The following CREB3L2 variants were observed in gnomAD, a reference collection of about 807,000 sequenced individuals.
CREB3L2 encodes cAMP responsive element binding protein 3 like 2, also known as cyclic AMP-responsive element-binding protein 3-like protein 2.
A neutral mutation model predicts 57.2 loss-of-function variants in CREB3L2; 23 were observed. That is an observed-to-expected ratio of 0.40 (90% CI 0.29 to 0.57). CREB3L2 has a LOEUF of 0.57. Among genes scored for constraint, CREB3L2 ranks in the 20% least tolerant of loss-of-function variants. The pLI is 0.42. For missense variants in CREB3L2, 628 were observed against 634.7 expected (o/e 0.99, Z 0.11); for synonymous variants, 268 against 265.1 (o/e 1.01, Z -0.11).
chr7:137,885,222 GCCAGTGGAC>G, intron 9 of CREB3L2, 101 bp from the exon 10 acceptor site: 1 of 1,383,796 alleles, frequency 7.2e-7, no homozygotes, highest in South Asian at 1.3e-5. Context: ...TCCTCTTCAG[GCCAGTGGAC>G]TGCACCCACC....
intron 4 of CREB3L2, among the ~76,000 whole-genome samples, chr7:137,912,155 T>C (rs775067663): frequency 1.3e-5 from 2 of 152,154 alleles, no homozygotes; most frequent in Non-Finnish European, 2.9e-5. Context: ...AGCAGGCGGA[T>C]TGCCTAAGGC....
In CREB3L2 at chr7:137,879,456, C is replaced by G; in HGVS notation, c.*1020G>C. On this transcript the variant is annotated 3_prime_UTR_variant, in exon 12 of 12. Coordinates refer to ENST00000330387, the MANE Select transcript of CREB3L2 (RefSeq NM_194071.4). ...AAAACAGGATAGAAAAAGCTTGTGG[C>G]CAGGGAGCCCGGGGCCTGAGTGAGG... The G allele has an allele frequency of 7.9e-6, 3 of 379,260 alleles. No individual in the cohort carries two copies. The South Asian group carries it at 8.2e-5, about 10-fold the overall frequency. 23.5% of individuals were successfully genotyped at this position (379,260 alleles called of 1,614,324 possible).
chr7:137,912,279 A>G (rs1800025759), intron 4 of CREB3L2, among the ~76,000 whole-genome samples: 1 of 151,474 alleles, frequency 6.6e-6, no homozygotes, highest in South Asian at 2.1e-4. Flanking sequence ...CAGGAGGCTG[A>G]GGCACAAGAA....
chr7:137,880,319 T>C lies in CREB3L2; in HGVS notation c.*157A>G. 1 of 653,706 alleles carries C rather than the reference T, an allele frequency of 1.5e-6. No homozygotes were observed. The highest frequency in any genetic ancestry group is 2.7e-5 in the East Asian group (1 of 36,484). The allele number at this position is 653,706 out of a possible 1,614,324, so 40.5% of individuals were successfully genotyped here. A position where few individuals can be genotyped will look rare whatever the true frequency, so the allele number is the denominator to read the frequency against. On this transcript the variant is annotated 3_prime_UTR_variant, in exon 12 of 12. Transcript: ENST00000330387. The surrounding 1 kb of genome is among the most constrained non-coding windows in gnomAD (Gnocchi z 4.0). ...GGACCAGGGGGAGATGCTCTCTCAC[T>C]GCAGGGAAGTCCCAGGCTGGTCTCC...
intron 4 of CREB3L2, 147 bp from the exon 5 acceptor site, chr7:137,908,583 T>A (rs775147707): frequency 8.7e-6 from 4 of 461,394 alleles, no homozygotes; most frequent in Non-Finnish European, 1.4e-5. Flanking sequence ...ATGGGAGTCC[T>A]CCTTTTGTAT....
At chr7:137,929,026 GTT>G (rs1205482193) in intron 1 of CREB3L2, among the ~76,000 whole-genome samples, 1 of 152,188 alleles carries the variant, frequency 6.6e-6, no homozygotes, top group African/African-American at 2.4e-5. Context: ...CAAAGGTGCA[GTT>G]TACACTAAGG....
At position 137,879,060 on chromosome 7, in the gene CREB3L2, A is replaced by C. The variant is rs1799222993; in HGVS notation, c.*1416T>G. 4 of 433,854 alleles carry C rather than the reference A, an allele frequency of 9.2e-6. No individual in the cohort carries two copies. Among genetic ancestry groups the C allele is most frequent in the African/African-American group, 2.0e-5 (1 of 49,992 alleles). The allele number at this position is 433,854 out of a possible 1,614,324, so 26.9% of individuals were successfully genotyped here. ...ACACAAAATCTTTCCCAAGCTCGGA[A>C]AAAACACTTGAGGGTTTTCTACATT... On this transcript the variant is annotated 3_prime_UTR_variant, in exon 12 of 12. Transcript: ENST00000330387.
At chr7:137,926,494 C>G (rs773654263) in intron 2 of CREB3L2, among the ~76,000 whole-genome samples, 2 of 152,098 alleles carry the variant, frequency 1.3e-5, no homozygotes, top group Non-Finnish European at 2.9e-5. Flanking sequence ...GAACAGGACC[C>G]GCATGTTCTC....
intron 1 of CREB3L2, among the ~76,000 whole-genome samples, chr7:137,974,404 A>C (rs1724631186): frequency 6.6e-6 from 1 of 152,244 alleles, no homozygotes; most frequent in African/African-American, 2.4e-5. Flanking sequence ...AACCAGGACC[A>C]ACCGGCATGT....
rs145339071 is a variant in CREB3L2 at position 137,898,960 on chromosome 7, A to AAAGGAAGGAAGGAAGG, written c.1043+2378_1043+2393dup. ...GGAGGGAGGAACAAAGGAAAGAAGG[A>AAAGGAAGGAAGGAAGG]AAGGAAGGAAGGAAGGAAGGAAGGA... is the stretch of plus-strand genomic sequence containing the variant. On this transcript the variant is annotated intron_variant, in intron 8 of 11. Transcript: ENST00000330387. Among the ~76,000 whole-genome samples the AAAGGAAGGAAGGAAGG allele has an allele frequency of 1.2e-3, 155 of 132,800 alleles. 2 individuals are homozygous for AAAGGAAGGAAGGAAGG. Among genetic ancestry groups the AAAGGAAGGAAGGAAGG allele is most frequent in the African/African-American group, 5.7e-3 (149 of 26,214 alleles). The allele number at this position is 132,800 out of a possible 152,430, so 87.1% of individuals were successfully genotyped here. A position where few individuals can be genotyped will look rare whatever the true frequency, so the allele number is the denominator to read the frequency against.
In CREB3L2 at chr7:137,928,280, T is replaced by A; in HGVS notation, c.189A>T (p.Ser63=). The change falls in exon 2 of 12, where the codon TCA becomes TCT. Residue 63 remains serine, a synonymous_variant. Transcript: ENST00000330387. ...ACGTCGGGGAAGGTTCCACCTCCAT[T>A]GACACACTCTTCTCTGAGAGGAAAG... ...NDPFLSEKSV[S]MEVEPSPTSP... 6.2e-7 allele frequency: 1 copy of A among 1,614,114 alleles called. No individual in the cohort carries two copies. Among genetic ancestry groups the A allele is most frequent in the Non-Finnish European group, 8.5e-7 (1 of 1,180,004 alleles).
chr7:137,933,961 A>G (rs1460189432), intron 1 of CREB3L2: 1 of 152,256 alleles, frequency 6.6e-6, no homozygotes, highest in Non-Finnish European at 1.5e-5. Context: ...GAGCAAAGTG[A>G]GCCTCGAGGA....
chr7:137,905,926 T>C, intron 5 of CREB3L2, 78 bp from the exon 6 acceptor site: 3 of 1,361,658 alleles, frequency 2.2e-6, no homozygotes, highest in Admixed American at 2.2e-5. Flanking sequence ...AATGGGATGA[T>C]GAGAATCTGT....
At chr7:137,988,649 T>G (rs972132830) in intron 1 of CREB3L2, among the ~76,000 whole-genome samples, 5 of 152,182 alleles carry the variant, frequency 3.3e-5, no homozygotes, top group African/African-American at 1.2e-4. Context: ...TTGAACAGGT[T>G]AATGAGTACA....
chr7:137,918,567 G>A (rs1563251874), intron 2 of CREB3L2, among the ~76,000 whole-genome samples: 1 of 152,118 alleles, frequency 6.6e-6, no homozygotes, highest in Non-Finnish European at 1.5e-5. Flanking sequence ...AAAGACGGTA[G>A]GATGAAATAT....
At position 137,905,761 on chromosome 7, in the gene CREB3L2, G is replaced by T. The variant is rs1305004616; in HGVS notation, c.856C>A (p.Pro286Thr). The change falls in exon 6 of 12, where the codon CCC becomes ACC. Residue 286 changes from proline (P) to threonine (T), a missense_variant. Physicochemically the swap from Pro to Thr is conservative, Grantham distance 38 (BLOSUM62 -1). Around this residue, in one of 3 missense-constraint regions of CREB3L2, gnomAD observed 17 missense variants for 36.6 expected, o/e 0.46. Transcript: ENST00000330387. ...GCCTTCTCCTCTGATTTTGACAGGGGCAATTTGGTGGGGATGGGATAGCCC... is the reference window on the plus strand; with the variant it reads ...GCCTTCTCCTCTGATTTTGACAGGGTCAATTTGGTGGGGATGGGATAGCCC... ...AEGYPIPTKLPLSKSEEKALK... is the reference protein window; with the variant it reads ...AEGYPIPTKLTLSKSEEKALK... The T allele has an allele frequency of 6.2e-7, 1 of 1,614,076 alleles. No homozygotes were observed. Among genetic ancestry groups the T allele is most frequent in the Non-Finnish European group, 8.5e-7 (1 of 1,179,938 alleles).
At chr7:137,965,340 C>T (rs190001445) in intron 1 of CREB3L2, among the ~76,000 whole-genome samples, 1 of 152,162 alleles carries the variant, frequency 6.6e-6, no homozygotes, top group East Asian at 1.9e-4. Flanking sequence ...TATATTTACA[C>T]TCGTTGAGGA....
At chr7:137,896,545 C>A (rs1389563815) in intron 8 of CREB3L2, among the ~76,000 whole-genome samples, 1 of 152,198 alleles carries the variant, frequency 6.6e-6, no homozygotes, top group African/African-American at 2.4e-5. Flanking sequence ...AGGTGATTCA[C>A]CAGCCACGGC....
At chr7:137,914,204 ATGT>A (rs1800077078) in intron 3 of CREB3L2, among the ~76,000 whole-genome samples, 1 of 151,242 alleles carries the variant, frequency 6.6e-6, no homozygotes, top group African/African-American at 2.4e-5. Context: ...AATATTAATG[ATGT>A]TATTATTAAG....
Sources: gnomAD v4.1 joint callset for allele counts (sites outside exome capture counted in the v4.1 genomes callset) on GRCh38, gnomAD v4.1.1 for gene constraint, gnomAD v4.1.1 regional missense constraint, Gnocchi (gnomAD v3.1) non-coding constraint, MANE v1.5 for transcripts, NCBI Gene and HGNC (gene_info 2026-07-23, HGNC 2026-07-21) for gene names.